The following CLOCK variants were observed in gnomAD, a reference collection of about 807,000 sequenced individuals.
CLOCK encodes the protein circadian locomoter output cycles protein kaput.
In CLOCK, 43 loss-of-function variants were observed where a neutral mutation model predicts 118.4. The observed-to-expected ratio is 0.36, with a 90% confidence interval of 0.28 to 0.47. The LOEUF (loss-of-function observed/expected upper bound fraction) is 0.47. Ranked by LOEUF, CLOCK falls within the 20% of genes least tolerant of loss-of-function variation. The probability of loss-of-function intolerance (pLI) is 1.00; values close to 1 mark genes in which losing one functional copy is unlikely to be tolerated. For missense variants in CLOCK, 846 were observed against 999.9 expected, an observed-to-expected ratio of 0.85 and a Z score of 2.08; for synonymous variants, 326 against 339.2, an observed-to-expected ratio of 0.96 and a Z score of 0.43.
In CLOCK at chr4:55,434,986, C is replaced by T; in HGVS notation, c.*429G>A. 1 of 238,004 alleles carries T rather than the reference C, an allele frequency of 4.2e-6. No individual in the cohort carries two copies. The highest frequency in any genetic ancestry group is 8.5e-6 in the Non-Finnish European group (1 of 118,120). 14.7% of individuals were successfully genotyped at this position (238,004 alleles called of 1,614,324 possible). A position where few individuals can be genotyped will look rare whatever the true frequency, so the allele number is the denominator to read the frequency against. On this transcript the variant is annotated 3_prime_UTR_variant, in exon 23 of 23. Coordinates refer to ENST00000513440, the MANE Select transcript of CLOCK (RefSeq NM_004898.4). Reference sequence around the variant, plus strand: ...GTCGCTACCAAGTCTACTGGACTGTCTTCATGGCATCACTGTAAGCAAACC... The same window carrying T: ...GTCGCTACCAAGTCTACTGGACTGTTTTCATGGCATCACTGTAAGCAAACC...
chr4:55,527,313 T>C (rs989277711), intron 1 of CLOCK, among the ~76,000 whole-genome samples: 2 of 152,176 alleles, frequency 1.3e-5, no homozygotes, highest in African/African-American at 4.8e-5. Flanking sequence ...AAGTAGGTGA[T>C]GGGTACATAG....
chr4:55,444,119 T>C (rs942384642), intron 19 of CLOCK, among the ~76,000 whole-genome samples: 2 of 152,222 alleles, frequency 1.3e-5, no homozygotes, highest in Non-Finnish European at 2.9e-5. Flanking sequence ...GTGTAACTAG[T>C]GTTAGTCTGT....
At position 55,463,734 on chromosome 4, in the gene CLOCK, G is replaced by T; in HGVS notation, c.510C>A (p.Leu170=). 6.2e-7 allele frequency: 1 copy of T among 1,612,420 alleles called. No individual in the cohort carries two copies. The highest frequency in any genetic ancestry group is 8.5e-7 in the Non-Finnish European group (1 of 1,178,798). ...AATCACTTTCCAGCAGATGAGTAGA[G>T]AGTATTTTATAAACCTCTGAATGTT... ...EGEHSEVYKI[L]STHLLESDSL... is the part of the protein sequence containing the mutation. Residue 170 remains leucine, a synonymous_variant, in exon 9 of 23, where the codon CTC becomes CTA. Coordinates refer to ENST00000513440, the MANE Select transcript of CLOCK (RefSeq NM_004898.4).
rs1008262857 is a variant in CLOCK at position 55,489,428 on chromosome 4, G to C, written c.-98C>G. 3.3e-5 allele frequency: 5 copies of C among 151,994 alleles called. No individual in the cohort carries two copies. Among genetic ancestry groups the C allele is most frequent in the African/African-American group, 7.2e-5 (3 of 41,404 alleles). 9.4% of individuals were successfully genotyped at this position (151,994 alleles called of 1,614,324 possible). A position where few individuals can be genotyped will look rare whatever the true frequency, so the allele number is the denominator to read the frequency against. On this transcript the variant is annotated 5_prime_UTR_variant, in exon 3 of 23. Transcript: ENST00000513440. ...ATTCTTCAGGAAACTATAGGTTCAAGGTACTCTTCTATATGACCAACCATA... is the reference window on the plus strand; with the variant it reads ...ATTCTTCAGGAAACTATAGGTTCAACGTACTCTTCTATATGACCAACCATA...
intron 22 of CLOCK, 123 bp from the exon 23 acceptor site, chr4:55,435,717 C>G: frequency 1.1e-6 from 1 of 950,310 alleles, no homozygotes; most frequent in South Asian, 1.4e-5. Flanking sequence ...ATGCATATCA[C>G]TTTCACTCTC....
Position 55,478,857 on chromosome 4 carries a change from T to C in CLOCK, c.214A>G (p.Thr72Ala). The change falls in exon 6 of 23, where the codon ACT (threonine) becomes GCT (alanine). Residue 72 changes from threonine to alanine, a missense_variant. By Grantham distance (58) the Thr-to-Ala change is moderately conservative. Coordinates refer to ENST00000513440, the MANE Select transcript of CLOCK (RefSeq NM_004898.4). ...AAATCAATGCTTTTCTGCAGAACAG[T>C]AGATTTGTCCATCTTTCTAGCATTA... is the stretch of plus-strand genomic sequence containing the variant. Reference protein sequence around the residue: ...PGNARKMDKSTVLQKSIDFLR... With the variant: ...PGNARKMDKSAVLQKSIDFLR... 6.2e-7 allele frequency: 1 copy of C among 1,612,938 alleles called. No homozygotes were observed. Among genetic ancestry groups the C allele is most frequent in the South Asian group, 1.1e-5 (1 of 90,988 alleles).
intron 2 of CLOCK, among the ~76,000 whole-genome samples, chr4:55,493,133 A>G (rs1727838058): frequency 6.6e-6 from 1 of 152,060 alleles, no homozygotes; most frequent in African/African-American, 2.4e-5. Flanking sequence ...ATACATGAGG[A>G]GGCAAATAAG....
intron 19 of CLOCK, 99 bp downstream of exon 19, chr4:55,444,534 G>T (rs764025222): frequency 6.5e-6 from 9 of 1,378,650 alleles, no homozygotes; most frequent in African/African-American, 1.4e-5. Flanking sequence ...TTGATAAAAC[G>T]TATCTCTTGC....
At chr4:55,492,888 TTTAAATGTCTAACTGCA>T (rs1727814001) in intron 2 of CLOCK, among the ~76,000 whole-genome samples, 1 of 152,008 alleles carries the variant, frequency 6.6e-6, no homozygotes, top group Admixed American at 6.6e-5. Context: ...CTAGAACAAA[TTTAAATGTCTAACTGCA>T]TTAACAGTGG....
At chr4:55,487,060 AG>A (rs1278111851) in intron 3 of CLOCK, among the ~76,000 whole-genome samples, 1 of 152,018 alleles carries the variant, frequency 6.6e-6, no homozygotes, top group Non-Finnish European at 1.5e-5. Flanking sequence ...TACTTTCAAT[AG>A]ATTTTATTTT....
At chr4:55,524,063 G>C (rs934315176) in intron 1 of CLOCK, among the ~76,000 whole-genome samples, 7 of 152,062 alleles carry the variant, frequency 4.6e-5, no homozygotes, top group African/African-American at 1.7e-4. Flanking sequence ...CATCATTTTA[G>C]CAAAACAGGA....
chr4:55,446,851 A>G (rs1439966128), intron 18 of CLOCK, among the ~76,000 whole-genome samples: 1 of 152,204 alleles, frequency 6.6e-6, no homozygotes, highest in East Asian at 1.9e-4. Flanking sequence ...AACTGTATGT[A>G]AAAGTGAGAA....
chr4:55,526,514 A>C (rs13108499), intron 1 of CLOCK, among the ~76,000 whole-genome samples: 51,345 of 152,004 alleles, frequency 0.34, 9,356 homozygotes, highest in East Asian at 0.58. Context: ...TAGATCATAC[A>C]TTCTCAACAG....
In CLOCK at chr4:55,444,646, C is replaced by T. The variant is rs756851458; in HGVS notation, c.1679G>A (p.Gly560Asp). ...KIQEQLQMVH[G>D]QGLQMFLQQS... ...TATAACAATTACCTGCAGCCCCTGA[C>T]CATGGACCATCTGAAGTTGTTCTTG... is the stretch of plus-strand genomic sequence containing the variant. Residue 560 changes from glycine (G) to aspartate (D), a missense_variant, in exon 19 of 23, where the codon GGT (glycine) becomes GAT (aspartate). By Grantham distance (94) the Gly-to-Asp change is moderately conservative. Coordinates refer to ENST00000513440, the MANE Select transcript of CLOCK (RefSeq NM_004898.4). 1 of 1,614,014 alleles carries T rather than the reference C, an allele frequency of 6.2e-7. No homozygotes were observed. The highest frequency in any genetic ancestry group is 1.1e-5 in the South Asian group (1 of 91,082).
intron 14 of CLOCK, 75 bp from the exon 15 acceptor site, chr4:55,453,204 G>T: frequency 8.8e-7 from 1 of 1,141,620 alleles, no homozygotes; most frequent in Non-Finnish European, 1.3e-6. Context: ...TAACTATTCA[G>T]TGTTGTTACG....
intron 2 of CLOCK, among the ~76,000 whole-genome samples, chr4:55,490,640 C>T (rs1727607945): frequency 6.6e-6 from 1 of 152,136 alleles, no homozygotes; most frequent in Admixed American, 6.5e-5. Flanking sequence ...GCCTCCTCCC[C>T]TATACTTTAA....
intron 1 of CLOCK, among the ~76,000 whole-genome samples, chr4:55,537,095 A>G (rs1167086298): frequency 6.6e-6 from 1 of 152,226 alleles, no homozygotes; most frequent in Admixed American, 6.5e-5. Context: ...TTTGAAAACT[A>G]TATAACACAC....
intron 19 of CLOCK, among the ~76,000 whole-genome samples, chr4:55,444,184 T>C (rs1368310404): frequency 1.3e-5 from 2 of 152,168 alleles, no homozygotes; most frequent in Admixed American, 1.3e-4. Flanking sequence ...CACACAGAAG[T>C]AGTTTTCACT....
chr4:55,520,053 C>T (rs1253565404), intron 1 of CLOCK, among the ~76,000 whole-genome samples: 2 of 152,192 alleles, frequency 1.3e-5, no homozygotes, highest in Non-Finnish European at 2.9e-5. Flanking sequence ...AGTTGTATCA[C>T]CTTAATAATC....
Sources: allele counts gnomAD v4.1 joint callset (sites outside exome capture counted in the v4.1 genomes callset), GRCh38; gene constraint gnomAD v4.1.1; transcripts MANE v1.5; gene names NCBI Gene and HGNC (gene_info 2026-07-23, HGNC 2026-07-21).